Variants in CAST observed in about 807,000 individuals in gnomAD.
The protein encoded by CAST is MIR583 host.
A neutral mutation model predicts 119.6 loss-of-function variants in CAST; 76 were observed. The observed-to-expected ratio is 0.64, with a 90% confidence interval of 0.53 to 0.77. CAST has a LOEUF of 0.77. Ranked by LOEUF, CAST falls within the 30% of genes least tolerant of loss-of-function variation. The pLI, the probability that CAST is intolerant of heterozygous loss-of-function variation, is 0.00. For synonymous variants in CAST, 319 were observed against 331.6 expected (o/e 0.96, Z 0.41); for missense variants, 953 against 946.5 (o/e 1.01, Z -0.09).
intron 3 of CAST, among the ~76,000 whole-genome samples, chr5:96,707,938 A>G (rs1257595386): frequency 6.6e-6 from 1 of 152,074 alleles, no homozygotes; most frequent in African/African-American, 2.4e-5. Flanking sequence ...CTGTTTCCTT[A>G]TTAACTATAC....
At chr5:96,374,242 C>T in the CAST span, among the ~76,000 whole-genome samples, 2 of 152,098 alleles carry the variant, frequency 1.3e-5, no homozygotes, top group African/African-American at 4.8e-5. Context: ...AAAACGTCCT[C>T]CCTCTTTCTT....
chr5:96,599,291 T>G (rs902765280), intron 1 of CAST, among the ~76,000 whole-genome samples: 17 of 152,222 alleles, frequency 1.1e-4, no homozygotes, highest in African/African-American at 4.1e-4. Context: ...CAATCTGTCC[T>G]CAGACTGATC....
At chr5:96,425,966 A>G in the CAST span, 1,465 of 1,184,792 alleles carry the variant, frequency 1.2e-3, 2 homozygotes, top group Non-Finnish European at 1.8e-3. Context: ...ATCAAAAGTC[A>G]AATATCTACC....
At chr5:96,192,011 G>T in the CAST span, among the ~76,000 whole-genome samples, 1 of 152,196 alleles carries the variant, frequency 6.6e-6, no homozygotes, top group African/African-American at 2.4e-5. Flanking sequence ...AAATGGGAAA[G>T]TGGGTAAAGA....
At chr5:96,668,298 C>T (rs1237276460) in intron 1 of CAST, among the ~76,000 whole-genome samples, 9 of 152,092 alleles carry the variant, frequency 5.9e-5, no homozygotes, top group South Asian at 2.1e-4. Context: ...GAGTGTTATA[C>T]GAAGATGTGA....
chr5:95,967,574 G>A, the CAST span, among the ~76,000 whole-genome samples: 4 of 152,080 alleles, frequency 2.6e-5, no homozygotes, highest in Non-Finnish European at 5.9e-5. Flanking sequence ...GACAGTTACC[G>A]CCATGCTACT....
the CAST span, among the ~76,000 whole-genome samples, chr5:96,490,493 T>A: frequency 6.6e-6 from 1 of 151,160 alleles, no homozygotes; most frequent in Non-Finnish European, 1.5e-5. Context: ...GGAAGAGGAG[T>A]TCTATCCACT....
At chr5:96,078,697 A>T in the CAST span, among the ~76,000 whole-genome samples, 1 of 152,240 alleles carries the variant, frequency 6.6e-6, no homozygotes, top group Non-Finnish European at 1.5e-5. Flanking sequence ...ACTTAATGTC[A>T]AGTTAAATCA....
the CAST span, among the ~76,000 whole-genome samples, chr5:96,398,344 C>T: frequency 6.6e-6 from 1 of 152,120 alleles, no homozygotes; most frequent in Non-Finnish European, 1.5e-5. Flanking sequence ...TTATGGTTCA[C>T]GAGCTCTTTC....
chr5:96,497,449 A>G, the CAST span, among the ~76,000 whole-genome samples: 1 of 152,140 alleles, frequency 6.6e-6, no homozygotes, highest in Non-Finnish European at 1.5e-5. Context: ...GACTTCCACA[A>G]TGGTTGAACT....
At chr5:96,529,275 A>T (rs148479155), upstream of CAST, among the ~76,000 whole-genome samples, 2 of 152,306 alleles carry the variant, frequency 1.3e-5, no homozygotes, top group Non-Finnish European at 2.9e-5. Flanking sequence ...AAGCCTATAG[A>T]CTGTTAGGAG....
the CAST span, among the ~76,000 whole-genome samples, chr5:96,436,755 C>G: frequency 1.3e-5 from 2 of 152,036 alleles, no homozygotes; most frequent in Non-Finnish European, 2.9e-5. Flanking sequence ...CATCTACCAA[C>G]TTTACCACAA....
chr5:96,332,518 G>T, the CAST span, among the ~76,000 whole-genome samples: 1 of 151,988 alleles, frequency 6.6e-6, no homozygotes, highest in African/African-American at 2.4e-5. Flanking sequence ...AAAAATGGTT[G>T]TGTACGTCTA....
chr5:96,510,699 T>C, the CAST span, among the ~76,000 whole-genome samples: 1 of 152,218 alleles, frequency 6.6e-6, no homozygotes, highest in African/African-American at 2.4e-5. Flanking sequence ...TTGAAACAAT[T>C]GTTAATTGTT....
the CAST span, among the ~76,000 whole-genome samples, chr5:96,333,306 G>A: frequency 3.9e-5 from 6 of 151,932 alleles, no homozygotes; most frequent in South Asian, 6.3e-4. Flanking sequence ...TTTTCTGCAC[G>A]GTCAGATGAG....
At chr5:96,080,918 G>C in the CAST span, among the ~76,000 whole-genome samples, 1 of 152,210 alleles carries the variant, frequency 6.6e-6, no homozygotes, top group Non-Finnish European at 1.5e-5. Context: ...GGATAAGAGT[G>C]TGAAGCCTTA....
chr5:95,994,305 A>G, the CAST span, among the ~76,000 whole-genome samples: 4 of 152,244 alleles, frequency 2.6e-5, no homozygotes, highest in African/African-American at 7.2e-5. Context: ...AAATTGTGGT[A>G]TAATCATACT....
At chr5:96,608,802 G>A (rs1045713650) in intron 1 of CAST, among the ~76,000 whole-genome samples, 2 of 152,146 alleles carry the variant, frequency 1.3e-5, no homozygotes, top group African/African-American at 4.8e-5. Context: ...GAAGAGGAAG[G>A]AGGCACATCT....
chr5:96,258,704 T>A, the CAST span, among the ~76,000 whole-genome samples: 1 of 152,222 alleles, frequency 6.6e-6, no homozygotes, highest in Admixed American at 6.5e-5. Context: ...TCTTGACATA[T>A]TACTTTGTCC....
Sources: allele counts gnomAD v4.1 joint callset (sites outside exome capture counted in the v4.1 genomes callset), GRCh38; gene constraint gnomAD v4.1.1; transcripts MANE v1.5; gene names NCBI Gene and HGNC (gene_info 2026-07-23, HGNC 2026-07-21).